Variants in PUDP observed in about 807,000 individuals in gnomAD.
PUDP encodes the protein pseudouridine 5'-phosphatase, also known as pseudouridine-5'-phosphatase.
Under a neutral mutation model 9.4 loss-of-function variants are expected in PUDP, and 8 were observed. The ratio of observed to expected loss-of-function variants is 0.85; its 90% CI spans 0.50 to 1.53. The LOEUF (loss-of-function observed/expected upper bound fraction) is 1.53. Among genes scored for constraint, PUDP ranks in the 40% most tolerant of loss-of-function variants. The pLI, the probability that PUDP is intolerant of heterozygous loss-of-function variation, is 0.00. For synonymous variants in PUDP, 99 were observed against 80.7 expected (o/e 1.23, Z -1.22); for missense variants, 188 against 189.7 (o/e 0.99, Z 0.05).
chrX:6,926,763 C>T (rs1220746075), intron 3 of PUDP, among the ~76,000 whole-genome samples: 1 of 111,170 alleles, frequency 9.0e-6, no homozygotes, highest in Admixed American at 9.6e-5. Context: ...CTCACATTAC[C>T]ACTTACTCTT....
intron 3 of PUDP, among the ~76,000 whole-genome samples, chrX:6,973,412 T>C (rs1928907359): frequency 8.9e-6 from 1 of 112,124 alleles, no homozygotes; most frequent in African/African-American, 3.2e-5. Flanking sequence ...GTTGTGTCTT[T>C]GTTCTCATTG....
chrX:6,977,375 T>C (rs764816717), intron 2 of PUDP, among the ~76,000 whole-genome samples: 7 of 112,095 alleles, frequency 6.2e-5, no homozygotes, highest in Non-Finnish European at 1.3e-4. Context: ...ATGACATTGT[T>C]GACCTAGAAT....
At chrX:6,900,390 A>G (rs1927661089) in intron 3 of PUDP, among the ~76,000 whole-genome samples, 1 of 106,347 alleles carries the variant, frequency 9.4e-6, no homozygotes, top group African/African-American at 3.5e-5. Flanking sequence ...TGAACATCCT[A>G]CAATGCACAG....
chrX:6,973,877 C>T (rs901868849), intron 3 of PUDP, among the ~76,000 whole-genome samples: 13 of 111,520 alleles, frequency 1.2e-4, no homozygotes, highest in Non-Finnish European at 1.3e-4. Flanking sequence ...CTTTATGAAT[C>T]TGGGTGCTCC....
chrX:7,083,348 G>T (rs1224140421), intron 2 of PUDP, among the ~76,000 whole-genome samples: 5 of 111,939 alleles, frequency 4.5e-5, no homozygotes, highest in African/African-American at 1.6e-4. Context: ...AGAGAAAAGT[G>T]GGCGAGGAAG....
chrX:6,948,503 T>A (rs1221670291), intron 3 of PUDP, among the ~76,000 whole-genome samples: 2 of 111,899 alleles, frequency 1.8e-5, no homozygotes, highest in Admixed American at 9.5e-5. Flanking sequence ...TGCACACATA[T>A]CCACTGGGGA....
At chrX:6,992,417 C>T (rs5979997) in intron 1 of PUDP, among the ~76,000 whole-genome samples, 26,383 of 93,921 alleles carry the variant, frequency 0.28, 4,344 homozygotes, top group Non-Finnish European at 0.34. Context: ...GGACTACAGG[C>T]GCCCGCCACC....
downstream of PUDP, among the ~76,000 whole-genome samples, chrX:7,048,305 A>T (rs998169545): frequency 5.3e-5 from 6 of 112,329 alleles, no homozygotes; most frequent in African/African-American, 1.9e-4. Context: ...CTAATACGAC[A>T]TACTTTCAAT....
intron 3 of PUDP, among the ~76,000 whole-genome samples, chrX:6,751,691 G>A (rs909697793): frequency 3.6e-5 from 4 of 111,044 alleles, no homozygotes; most frequent in Admixed American, 2.9e-4. Flanking sequence ...ACTCATTATC[G>A]GCCACGCTTA....
intron 3 of PUDP, among the ~76,000 whole-genome samples, chrX:6,906,536 T>G (rs1927769981): frequency 8.9e-6 from 1 of 112,205 alleles, no homozygotes; most frequent in African/African-American, 3.2e-5. Flanking sequence ...AATCATCTAC[T>G]GGCAGAGCGA....
intron 3 of PUDP, among the ~76,000 whole-genome samples, chrX:7,057,081 C>G (rs1442532162): frequency 8.9e-6 from 1 of 112,414 alleles, no homozygotes; most frequent in Non-Finnish European, 1.9e-5. Context: ...CTGACTTCTC[C>G]AACGATGTTG....
intron 1 of PUDP, among the ~76,000 whole-genome samples, chrX:7,125,979 G>C (rs777272601): frequency 9.0e-6 from 1 of 110,795 alleles, no homozygotes; most frequent in Non-Finnish European, 1.9e-5. Context: ...CTTACTCTTA[G>C]CATTCCCTAT....
chrX:7,082,725 G>A (rs1364230560), intron 2 of PUDP, among the ~76,000 whole-genome samples: 2 of 112,450 alleles, frequency 1.8e-5, no homozygotes, highest in African/African-American at 3.2e-5. Context: ...TCCACTTCCT[G>A]CATGGGCATC....
Position 6,858,307 on chromosome X carries a change from CT to C in PUDP, c.*247+118825del, listed in dbSNP as rs1206986348. Among the ~76,000 whole-genome samples, 11 of 98,367 alleles carry C rather than the reference CT, an allele frequency of 1.1e-4. 1 individual carries two copies. The highest frequency in any genetic ancestry group is 1.2e-4 in the Non-Finnish European group (6 of 48,679). 85.4% of individuals were successfully genotyped at this position (98,367 alleles called of 115,157 possible). A position where few individuals can be genotyped will look rare whatever the true frequency, so the allele number is the denominator to read the frequency against. ...TCCCGGATCTTGCCCTATGTGCATC[CT>C]TTTTTTTTTCTTTCTTTTTTTTTTT... On this transcript the variant is annotated intron_variant and NMD_transcript_variant, in intron 3 of 3. Transcript: ENST00000655425.
At chrX:6,895,080 T>G (rs1435860173) in intron 3 of PUDP, among the ~76,000 whole-genome samples, 1 of 110,356 alleles carries the variant, frequency 9.1e-6, no homozygotes, top group Non-Finnish European at 1.9e-5. Context: ...AATCTCAGAA[T>G]AGGCTGACTG....
At chrX:6,897,707 G>A (rs57372010) in intron 3 of PUDP, among the ~76,000 whole-genome samples, 7,343 of 111,114 alleles carry the variant, frequency 0.066, 358 homozygotes, top group East Asian at 0.32. Context: ...CAAAGTGCCC[G>A]CAGATTCAAT....
At chrX:6,807,620 C>T (rs751403462) in intron 3 of PUDP, among the ~76,000 whole-genome samples, 6 of 111,829 alleles carry the variant, frequency 5.4e-5, no homozygotes, top group Non-Finnish European at 7.5e-5. Context: ...AAGGACCTGG[C>T]TTGCCGTCGG....
At chrX:7,003,183 G>A (rs899444212) in intron 1 of PUDP, among the ~76,000 whole-genome samples, 17 of 111,650 alleles carry the variant, frequency 1.5e-4, no homozygotes, top group Middle Eastern at 4.6e-3. Flanking sequence ...TGAAATGGGT[G>A]GTCGGAGAGG....
intron 1 of PUDP, among the ~76,000 whole-genome samples, chrX:7,018,432 G>T (rs898820217): frequency 7.1e-5 from 8 of 112,283 alleles, no homozygotes; most frequent in African/African-American, 2.6e-4. Flanking sequence ...CACCTTTGGT[G>T]TATTGGGTCT....
Sources: allele counts gnomAD v4.1 joint callset (sites outside exome capture counted in the v4.1 genomes callset), GRCh38; gene constraint gnomAD v4.1.1; transcripts MANE v1.5; gene names NCBI Gene and HGNC (gene_info 2026-07-23, HGNC 2026-07-21).